Variants in PIK3R1 observed in about 807,000 individuals in gnomAD.
PIK3R1 encodes the protein phosphoinositide-3-kinase regulatory subunit 1.
PIK3R1 carries 29 observed loss-of-function variants against 98.0 expected under a neutral mutation model. The observed-to-expected ratio is 0.30, with a 90% CI of 0.22 to 0.40. The LOEUF is 0.40. PIK3R1 is among the 10% of genes least tolerant of loss of function. PIK3R1 has a pLI of 1.00. For synonymous variants in PIK3R1, 282 were observed against 311.8 expected (o/e 0.90, Z 1.01); for missense variants, 596 against 872.7 (o/e 0.68, Z 3.99).
chr5:68,293,222 A>T (rs1747491017), intron 9 of PIK3R1, 23 bp downstream of exon 9: 1 of 1,604,478 alleles, frequency 6.2e-7, no homozygotes, highest in South Asian at 1.1e-5. Flanking sequence ...ATATAGCTGA[A>T]ATTAGGGTTT....
chr5:68,249,405 G>A (rs543487384), intron 2 of PIK3R1, among the ~76,000 whole-genome samples: 39 of 152,110 alleles, frequency 2.6e-4, no homozygotes, highest in Admixed American at 2.0e-3. Context: ...TGGTCTTTTT[G>A]TATTATATTT....
chr5:68,297,060 C>T (rs1747759612), intron 15 of PIK3R1, among the ~76,000 whole-genome samples: 1 of 152,208 alleles, frequency 6.6e-6, no homozygotes, highest in Admixed American at 6.5e-5. Flanking sequence ...TCATGGAGCA[C>T]TGCAGATAGT....
intron 2 of PIK3R1, among the ~76,000 whole-genome samples, chr5:68,245,738 C>T (rs142159343): frequency 2.6e-5 from 4 of 152,104 alleles, no homozygotes; most frequent in Admixed American, 6.5e-5. Flanking sequence ...TTAAACCTGA[C>T]GAAAATGAAA....
chr5:68,239,987 G>A (rs1245084987), intron 2 of PIK3R1: 2 of 480,788 alleles, frequency 4.2e-6, no homozygotes, highest in South Asian at 3.1e-5. Flanking sequence ...TGGAAACTGT[G>A]GCTCTTAACT....
At chr5:68,235,138 C>A (rs914197415) in intron 2 of PIK3R1, among the ~76,000 whole-genome samples, 5 of 152,060 alleles carry the variant, frequency 3.3e-5, no homozygotes, top group Admixed American at 6.5e-5. Context: ...TGCAGTGGCT[C>A]ACACCTGTAA....
chr5:68,254,754 C>T (rs1054600937), intron 2 of PIK3R1, among the ~76,000 whole-genome samples: 1 of 152,086 alleles, frequency 6.6e-6, no homozygotes, highest in African/African-American at 2.4e-5. Flanking sequence ...GGTTCATACC[C>T]ATAATCGTGT....
chr5:68,275,115 A>G lies in PIK3R1; in HGVS notation c.502+1102A>G, dbSNP rs539192958. Among the ~76,000 whole-genome samples the G allele has an allele frequency of 2.0e-5, 3 of 152,326 alleles. No individual in the cohort carries two copies. The East Asian group carries it at 5.8e-4, about 29-fold the overall frequency. The stretch of plus-strand genomic sequence containing the variant: ...GTATCAGTAAATTCTTACACTTGAA[A>G]TGTTCTGACCAGATGTTTCAAAAGT... On this transcript the variant is annotated intron_variant, in intron 4 of 15. Transcript: ENST00000521381.
intron 4 of PIK3R1, among the ~76,000 whole-genome samples, chr5:68,276,125 A>C (rs251408): frequency 6.6e-6 from 1 of 152,020 alleles, no homozygotes; most frequent in Non-Finnish European, 1.5e-5. Flanking sequence ...TCTTTGTCTC[A>C]TGCAAGTTTT....
At chr5:68,235,317 C>T (rs1028061693) in intron 2 of PIK3R1, among the ~76,000 whole-genome samples, 3 of 151,878 alleles carry the variant, frequency 2.0e-5, no homozygotes, top group Admixed American at 6.6e-5. Flanking sequence ...GCAGGAGAAT[C>T]GCTTGAAACT....
chr5:68,296,082 A>G (rs1747697116), intron 14 of PIK3R1, 89 bp from the exon 15 acceptor site: 3 of 1,282,780 alleles, frequency 2.3e-6, no homozygotes, highest in South Asian at 1.4e-5. Context: ...CCAGGAGGGA[A>G]GTGACGGGGG....
At position 68,298,868 on chromosome 5, in the gene PIK3R1, G is replaced by C; in HGVS notation, c.*1267G>C. The C allele has an allele frequency of 4.3e-6, 1 of 233,434 alleles. No homozygotes were observed. The highest frequency in any genetic ancestry group is 8.5e-6 in the Non-Finnish European group (1 of 117,916). 14.5% of individuals were successfully genotyped at this position (233,434 alleles called of 1,614,324 possible). A position where few individuals can be genotyped will look rare whatever the true frequency, so the allele number is the denominator to read the frequency against. ...AGAATTGTGAACTTCTTGAATCTAG[G>C]GAGGGGGAATGTAGTGAAGGGATGT... On this transcript the variant is annotated 3_prime_UTR_variant, in exon 16 of 16. Coordinates refer to ENST00000521381, the MANE Select transcript of PIK3R1 (RefSeq NM_181523.3).
At chr5:68,242,780 C>G (rs1744917517) in intron 2 of PIK3R1, among the ~76,000 whole-genome samples, 1 of 152,202 alleles carries the variant, frequency 6.6e-6, no homozygotes, top group African/African-American at 2.4e-5. Context: ...TTCTTTTGAA[C>G]TTGGCCCTCA....
intron 7 of PIK3R1, among the ~76,000 whole-genome samples, chr5:68,285,435 G>GACCACAT (rs1375560513): frequency 1.3e-5 from 2 of 152,160 alleles, no homozygotes; most frequent in Admixed American, 1.3e-4. Flanking sequence ...ATTTTTATTG[G>GACCACAT]TTTAAAATGT....
chr5:68,292,622 C>G (rs1292064262), intron 8 of PIK3R1: 4 of 1,432,830 alleles, frequency 2.8e-6, no homozygotes, highest in Non-Finnish European at 3.7e-6. Flanking sequence ...TGCCTAAGAA[C>G]AGAGTGTGAA....
chr5:68,253,892 A>G (rs1367131999), intron 2 of PIK3R1, among the ~76,000 whole-genome samples: 1 of 152,106 alleles, frequency 6.6e-6, no homozygotes, highest in African/African-American at 2.4e-5. Flanking sequence ...TAGTCATAGG[A>G]TGACTGAAAA....
chr5:68,220,944 C>T (rs905962480), intron 1 of PIK3R1, among the ~76,000 whole-genome samples: 1 of 152,206 alleles, frequency 6.6e-6, no homozygotes, highest in Non-Finnish European at 1.5e-5. Flanking sequence ...GTTTACATGT[C>T]AGAAATGTAA....
At chr5:68,249,762 T>A (rs1745230634) in intron 2 of PIK3R1, among the ~76,000 whole-genome samples, 1 of 152,046 alleles carries the variant, frequency 6.6e-6, no homozygotes, top group South Asian at 2.1e-4. Context: ...GGGGCCTGCT[T>A]GTGGTGGGGT....
At chr5:68,267,692 T>C (rs1580227626) in intron 2 of PIK3R1, among the ~76,000 whole-genome samples, 1 of 152,186 alleles carries the variant, frequency 6.6e-6, no homozygotes, top group Non-Finnish European at 1.5e-5. Context: ...CAATATAATT[T>C]AGCACACAGT....
At chr5:68,261,629 C>G (rs1336384632) in intron 2 of PIK3R1, among the ~76,000 whole-genome samples, 2 of 152,054 alleles carry the variant, frequency 1.3e-5, no homozygotes, top group Non-Finnish European at 2.9e-5. Flanking sequence ...AGAAGGCTAA[C>G]ATAAAAGATG....
Sources: allele counts gnomAD v4.1 joint callset (sites outside exome capture counted in the v4.1 genomes callset), GRCh38; gene constraint gnomAD v4.1.1; transcripts MANE v1.5; gene names NCBI Gene and HGNC (gene_info 2026-07-23, HGNC 2026-07-21).